The following TMPRSS15 variants were observed in gnomAD, a reference collection of about 807,000 sequenced individuals.
The protein encoded by TMPRSS15 is transmembrane serine protease 15.
In TMPRSS15, 128 loss-of-function variants were observed where a neutral mutation model predicts 125.3. The ratio of observed to expected loss-of-function variants is 1.02; its 90% confidence interval spans 0.89 to 1.18. The LOEUF (loss-of-function observed/expected upper bound fraction) is 1.18, where lower values mean the gene tolerates loss of function less well. Ranked by LOEUF, TMPRSS15 falls within the 50% of genes most tolerant of loss-of-function variation. The pLI is 0.00. For missense variants in TMPRSS15, 1,283 were observed against 1,212.7 expected (o/e 1.06, Z -0.86); for synonymous variants, 446 against 423.2 (o/e 1.05, Z -0.66).
At chr21:18,413,465 T>A (rs1226070271) in intron 1 of TMPRSS15, among the ~76,000 whole-genome samples, 1 of 151,352 alleles carries the variant, frequency 6.6e-6, no homozygotes, top group East Asian at 2.0e-4. Context: ...TCACCCAGGC[T>A]GGAGTGCAGT....
chr21:18,389,273 G>T (rs1370067119), intron 3 of TMPRSS15, among the ~76,000 whole-genome samples: 1 of 151,316 alleles, frequency 6.6e-6, no homozygotes, highest in Non-Finnish European at 1.5e-5. Context: ...AAGGAAGGAA[G>T]GAAGGGAGGA....
intron 16 of TMPRSS15, among the ~76,000 whole-genome samples, chr21:18,325,364 T>G (rs751884826): frequency 2.6e-5 from 4 of 152,094 alleles, no homozygotes; most frequent in Non-Finnish European, 4.4e-5. Flanking sequence ...ATGCATAATA[T>G]CAGTTGTGCT....
Position 18,383,798 on chromosome 21 carries a change from A to G in TMPRSS15, c.345-20T>C, listed in dbSNP as rs760532400. On this transcript the variant is annotated intron_variant, in intron 3 of 24. Transcript: ENST00000284885. ...CCATTTCTGCAAAGCAAAAGAGGATATAAGAGGAAAAAGTCAGCCATCTTC... is the reference window on the plus strand; with the variant it reads ...CCATTTCTGCAAAGCAAAAGAGGATGTAAGAGGAAAAAGTCAGCCATCTTC... 8.1e-6 allele frequency: 13 copies of G among 1,610,292 alleles called. No homozygotes were observed. In the Admixed American group the frequency reaches 2.2e-4, roughly 27 times the overall value.
At chr21:18,461,776 G>A (rs188855193) in intron 1 of TMPRSS15, among the ~76,000 whole-genome samples, 17 of 151,832 alleles carry the variant, frequency 1.1e-4, no homozygotes, top group African/African-American at 2.4e-4. Context: ...ACTTAAAGTC[G>A]ATTTATTTTC....
chr21:18,362,143 A>C (rs2075684640), intron 7 of TMPRSS15, among the ~76,000 whole-genome samples: 1 of 152,126 alleles, frequency 6.6e-6, no homozygotes, highest in Non-Finnish European at 1.5e-5. Flanking sequence ...ATCCCAGAGT[A>C]GACAGAGAAG....
At chr21:18,292,592 A>T (rs1197794541) in intron 21 of TMPRSS15, among the ~76,000 whole-genome samples, 2 of 152,208 alleles carry the variant, frequency 1.3e-5, no homozygotes, top group Non-Finnish European at 2.9e-5. Context: ...TGCGAGCCTG[A>T]TTGATGTTTA....
At chr21:18,272,150 C>A (rs1004486115) in intron 24 of TMPRSS15, among the ~76,000 whole-genome samples, 2 of 152,182 alleles carry the variant, frequency 1.3e-5, no homozygotes, top group African/African-American at 2.4e-5. Flanking sequence ...CGCTGTCTTC[C>A]ACAATGGTTG....
chr21:18,286,312 T>A (rs990695194), intron 21 of TMPRSS15, among the ~76,000 whole-genome samples: 1 of 152,186 alleles, frequency 6.6e-6, no homozygotes, highest in African/African-American at 2.4e-5. Context: ...AACCAAGTCA[T>A]TATTTTAAAT....
chr21:18,421,382 CTG>C (rs1414912932), intron 1 of TMPRSS15, among the ~76,000 whole-genome samples: 1 of 152,126 alleles, frequency 6.6e-6, no homozygotes, highest in East Asian at 1.9e-4. Flanking sequence ...GTGTATAAAA[CTG>C]TGGATAGTTT....
At chr21:18,316,369 T>G (rs982911433) in intron 16 of TMPRSS15, among the ~76,000 whole-genome samples, 4 of 152,320 alleles carry the variant, frequency 2.6e-5, no homozygotes, top group Non-Finnish European at 5.9e-5. Flanking sequence ...TCCCCTGGCC[T>G]CACCATCCAA....
At chr21:18,394,307 T>C (rs1228227114) in intron 3 of TMPRSS15, among the ~76,000 whole-genome samples, 1 of 152,140 alleles carries the variant, frequency 6.6e-6, no homozygotes, top group Non-Finnish European at 1.5e-5. Context: ...GAAGATTATT[T>C]TGGGAAGATA....
At chr21:18,357,278 A>G (rs2075635151) in intron 8 of TMPRSS15, among the ~76,000 whole-genome samples, 1 of 151,796 alleles carries the variant, frequency 6.6e-6, no homozygotes, top group African/African-American at 2.4e-5. Flanking sequence ...CTCTATTTTG[A>G]TTTACTTCAA....
chr21:18,369,354 A>G (rs2075769820), intron 6 of TMPRSS15, among the ~76,000 whole-genome samples: 3 of 152,200 alleles, frequency 2.0e-5, no homozygotes, highest in Admixed American at 2.0e-4. Context: ...CATACAAACT[A>G]TGAGAACACT....
chr21:18,378,824 TA>T (rs1025511536), intron 5 of TMPRSS15, among the ~76,000 whole-genome samples: 11 of 152,032 alleles, frequency 7.2e-5, no homozygotes, highest in Middle Eastern at 3.4e-3. Flanking sequence ...AGTAGATACT[TA>T]AAAAAAATTC....
intron 3 of TMPRSS15, among the ~76,000 whole-genome samples, chr21:18,394,569 C>G (rs1041657091): frequency 6.6e-6 from 1 of 152,010 alleles, no homozygotes; most frequent in Non-Finnish European, 1.5e-5. Flanking sequence ...CTCTCTTTCT[C>G]TCACATACAC....
upstream of TMPRSS15, among the ~76,000 whole-genome samples, chr21:18,408,770 G>A (rs1199381751): frequency 2.0e-5 from 3 of 152,042 alleles, no homozygotes; most frequent in Non-Finnish European, 4.4e-5. Context: ...CTTTATCATT[G>A]AGGATTCTTA....
chr21:18,452,991 G>C (rs149679115), intron 1 of TMPRSS15, among the ~76,000 whole-genome samples: 41 of 152,210 alleles, frequency 2.7e-4, no homozygotes, highest in African/African-American at 9.9e-4. Context: ...AGTTTGAAGT[G>C]CACAATACTG....
At chr21:18,475,815 T>A (rs1978870363) in intron 1 of TMPRSS15, among the ~76,000 whole-genome samples, 1 of 152,216 alleles carries the variant, frequency 6.6e-6, no homozygotes. Context: ...AAGGGAGCAA[T>A]TACTTTGGCT....
intron 1 of TMPRSS15, among the ~76,000 whole-genome samples, chr21:18,438,991 T>C (rs764652427): frequency 1.3e-5 from 2 of 152,212 alleles, no homozygotes; most frequent in Non-Finnish European, 2.9e-5. Context: ...ATCAGGGCTC[T>C]GAATTCTTTC....
Sources: allele counts gnomAD v4.1 joint callset (sites outside exome capture counted in the v4.1 genomes callset), GRCh38; gene constraint gnomAD v4.1.1; transcripts MANE v1.5; gene names NCBI Gene and HGNC (gene_info 2026-07-23, HGNC 2026-07-21).